ELAVL4: variants seen among roughly 807,000 people sequenced by gnomAD.
The protein encoded by ELAVL4 is ELAV-like protein 4.
A neutral mutation model predicts 35.6 loss-of-function variants in ELAVL4; 1 was observed. That is an observed-to-expected ratio of 0.03 (90% CI 0.01 to 0.13). The LOEUF (loss-of-function observed/expected upper bound fraction) is 0.13. Ranked by LOEUF, ELAVL4 falls within the 10% of genes least tolerant of loss-of-function variation. The pLI, the probability that ELAVL4 is intolerant of heterozygous loss-of-function variation, is 1.00. For synonymous variants in ELAVL4, 156 were observed against 171.0 expected (o/e 0.91, Z 0.69); for missense variants, 267 against 464.9 (o/e 0.57, Z 3.91).
chr1:50,162,672 C>G (rs911159611), intron 2 of ELAVL4, among the ~76,000 whole-genome samples: 2 of 151,450 alleles, frequency 1.3e-5, no homozygotes, highest in Non-Finnish European at 2.9e-5. Flanking sequence ...CAACCTCTGC[C>G]TCTTGGGTTC....
At chr1:50,070,137 T>C (rs1226532761) in intron 1 of ELAVL4, among the ~76,000 whole-genome samples, 2 of 152,212 alleles carry the variant, frequency 1.3e-5, no homozygotes, top group Non-Finnish European at 2.9e-5. Context: ...CTTGACACTG[T>C]TAATGGTGTT....
At chr1:50,148,764 G>A (rs554818363) in intron 2 of ELAVL4, among the ~76,000 whole-genome samples, 1 of 152,168 alleles carries the variant, frequency 6.6e-6, no homozygotes, top group South Asian at 2.1e-4. Context: ...TAGAAACTCA[G>A]GCAAAGAACA....
intron 1 of ELAVL4, among the ~76,000 whole-genome samples, chr1:50,083,443 G>A (rs1233934507): frequency 2.0e-5 from 3 of 152,112 alleles, no homozygotes; most frequent in Non-Finnish European, 2.9e-5. Flanking sequence ...GCTTAAAGAG[G>A]TTATGTACTA....
chr1:50,142,867 A>G (rs1673061035), intron 1 of ELAVL4, among the ~76,000 whole-genome samples: 1 of 152,224 alleles, frequency 6.6e-6, no homozygotes, highest in South Asian at 2.1e-4. Flanking sequence ...AACAATCCAA[A>G]TGTTCATCAA....
intron 1 of ELAVL4, among the ~76,000 whole-genome samples, chr1:50,143,422 A>G (rs986224869): frequency 1.2e-4 from 18 of 152,210 alleles, no homozygotes; most frequent in Non-Finnish European, 2.5e-4. Flanking sequence ...GGAGACAGTG[A>G]GAGAAGTCAC....
At chr1:50,107,575 C>G (rs1666439604), upstream of ELAVL4, among the ~76,000 whole-genome samples, 1 of 152,032 alleles carries the variant, frequency 6.6e-6, no homozygotes, top group African/African-American at 2.4e-5. Context: ...ACTTTGAAAC[C>G]CAGAAATATA....
At chr1:50,106,893 A>G (rs1052278228), upstream of ELAVL4, among the ~76,000 whole-genome samples, 2 of 152,172 alleles carry the variant, frequency 1.3e-5, no homozygotes, top group African/African-American at 2.4e-5. Flanking sequence ...TAATATACCT[A>G]ATGTTAATTT....
intron 3 of ELAVL4, among the ~76,000 whole-genome samples, chr1:50,186,996 T>C (rs1385732990): frequency 2.0e-5 from 3 of 152,168 alleles, no homozygotes; most frequent in African/African-American, 7.2e-5. Flanking sequence ...CCAGTTGGCT[T>C]CTTTCTTCTG....
intron 1 of ELAVL4, among the ~76,000 whole-genome samples, chr1:50,076,832 T>C (rs1664787072): frequency 6.6e-6 from 1 of 152,102 alleles, no homozygotes; most frequent in South Asian, 2.1e-4. Context: ...TAAGCATTTA[T>C]TGAGTGAATT....
chr1:50,125,648 A>G (rs879457315), intron 1 of ELAVL4, among the ~76,000 whole-genome samples: 4 of 152,064 alleles, frequency 2.6e-5, no homozygotes, highest in Non-Finnish European at 4.4e-5. Context: ...AAATGGGACA[A>G]ATGTTCCAGG....
chr1:50,113,198 A>G (rs1385393806), intron 1 of ELAVL4, among the ~76,000 whole-genome samples: 1 of 151,460 alleles, frequency 6.6e-6, no homozygotes, highest in East Asian at 1.9e-4. Flanking sequence ...GTGAACAACA[A>G]TGGGATTTCC....
At chr1:50,145,478 G>T (rs1057035148) in intron 2 of ELAVL4, among the ~76,000 whole-genome samples, 2 of 152,166 alleles carry the variant, frequency 1.3e-5, no homozygotes, top group East Asian at 1.9e-4. Context: ...CCTTCCCTTT[G>T]TTCTATAGTT....
At chr1:50,096,877 A>G (rs1428522301) in intron 1 of ELAVL4, among the ~76,000 whole-genome samples, 2 of 152,126 alleles carry the variant, frequency 1.3e-5, no homozygotes, top group Non-Finnish European at 2.9e-5. Context: ...TTAAAAGCCC[A>G]TGGTTTTAAT....
intron 2 of ELAVL4, among the ~76,000 whole-genome samples, chr1:50,173,990 C>A (rs539303631): frequency 3.9e-5 from 6 of 152,224 alleles, no homozygotes; most frequent in African/African-American, 1.4e-4. Flanking sequence ...TTTGTGAATG[C>A]GTTTCATCTA....
chr1:50,180,149 A>AG (rs963817219), intron 3 of ELAVL4: 1 of 151,856 alleles, frequency 6.6e-6, no homozygotes, highest in African/African-American at 2.4e-5. Flanking sequence ...CAAAAAAAAA[A>AG]TGAACTCAAA....
chr1:50,189,236 T>C (rs1468104730), intron 3 of ELAVL4, among the ~76,000 whole-genome samples: 1 of 152,216 alleles, frequency 6.6e-6, no homozygotes, highest in Non-Finnish European at 1.5e-5. Context: ...TGCTGGATGA[T>C]TCAGGGAACA....
intron 1 of ELAVL4, among the ~76,000 whole-genome samples, chr1:50,084,005 A>G (rs971046299): frequency 3.9e-5 from 6 of 152,206 alleles, no homozygotes; most frequent in African/African-American, 1.4e-4. Flanking sequence ...TTGAATGCCT[A>G]GTAGGCCAAT....
chr1:50,198,428 A>AT (rs1644192951), intron 6 of ELAVL4, among the ~76,000 whole-genome samples: 1 of 152,092 alleles, frequency 6.6e-6, no homozygotes, highest in Admixed American at 6.5e-5. Flanking sequence ...AATAGTCCAC[A>AT]TCACACCCCC....
chr1:50,158,287 A>G (rs1676104885), intron 2 of ELAVL4, among the ~76,000 whole-genome samples: 7 of 152,214 alleles, frequency 4.6e-5, no homozygotes, highest in Admixed American at 4.6e-4. Flanking sequence ...CTAAGATCAC[A>G]CAGCTTCTAA....
Sources: gnomAD v4.1 joint callset for allele counts (sites outside exome capture counted in the v4.1 genomes callset) on GRCh38, gnomAD v4.1.1 for gene constraint, MANE v1.5 for transcripts, NCBI Gene and HGNC (gene_info 2026-07-23, HGNC 2026-07-21) for gene names.